Variants in PDE3A observed in about 807,000 individuals in gnomAD.
PDE3A encodes cGMP-inhibited 3',5'-cyclic phosphodiesterase 3A.
A neutral mutation model predicts 98.3 loss-of-function variants in PDE3A; 43 were observed. The ratio of observed to expected loss-of-function variants is 0.44; its 90% confidence interval spans 0.34 to 0.56. PDE3A has a LOEUF of 0.56. PDE3A is among the 20% of genes least tolerant of loss of function. PDE3A has a pLI of 0.01. For synonymous variants in PDE3A, 663 were observed against 567.9 expected, an observed-to-expected ratio of 1.17 and a Z score of -2.38; for missense variants, 1,427 against 1,440.7, an observed-to-expected ratio of 0.99 and a Z score of 0.15.
chr12:20,469,601 G>A (rs1047501782), intron 1 of PDE3A, among the ~76,000 whole-genome samples: 1 of 152,238 alleles, frequency 6.6e-6, no homozygotes, highest in East Asian at 1.9e-4. Context: ...CTATGTTGTC[G>A]ATAATAATTA....
intron 1 of PDE3A, among the ~76,000 whole-genome samples, chr12:20,379,295 A>C (rs1943623350): frequency 6.6e-6 from 1 of 151,812 alleles, no homozygotes; most frequent in Non-Finnish European, 1.5e-5. Context: ...TTAGAGATCC[A>C]CTTCAGAAAT....
intron 2 of PDE3A, among the ~76,000 whole-genome samples, chr12:20,604,256 T>G (rs1403203285): frequency 6.6e-6 from 1 of 152,016 alleles, no homozygotes; most frequent in Non-Finnish European, 1.5e-5. Flanking sequence ...TGAATTTACT[T>G]TTTAAATAAA....
intron 1 of PDE3A, among the ~76,000 whole-genome samples, chr12:20,502,360 T>C (rs1946039643): frequency 6.6e-6 from 1 of 152,202 alleles, no homozygotes; most frequent in African/African-American, 2.4e-5. Flanking sequence ...ATGGTTAGAC[T>C]TTAAAGGAAC....
rs983294801 is a variant in PDE3A at position 20,687,009 on chromosome 12, T to C, written c.*6738T>C. ...GACTTCCTTTATGACAAGGAGCACT[T>C]ATACATGTTTCCAAATGTGAATTAG... On this transcript the variant is annotated 3_prime_UTR_variant, in exon 16 of 16. Transcript: ENST00000359062. Among the ~76,000 whole-genome samples, 3 of 152,130 alleles carry C rather than the reference T, an allele frequency of 2.0e-5. No homozygotes were observed. The highest frequency in any genetic ancestry group is 3.2e-3 in the Middle Eastern group (1 of 316).
chr12:20,642,334 G>A (rs1944663818), intron 10 of PDE3A, among the ~76,000 whole-genome samples: 1 of 151,998 alleles, frequency 6.6e-6, no homozygotes, highest in Admixed American at 6.6e-5. Flanking sequence ...GTAATTTCAT[G>A]GTAGTAGCAA....
chr12:20,509,009 C>T (rs942513531), intron 1 of PDE3A, among the ~76,000 whole-genome samples: 1 of 152,026 alleles, frequency 6.6e-6, no homozygotes, highest in African/African-American at 2.4e-5. Flanking sequence ...ATATAGCCAG[C>T]ATTTTTCCCT....
chr12:20,391,062 C>A (rs1046526341), intron 1 of PDE3A, among the ~76,000 whole-genome samples: 25 of 151,812 alleles, frequency 1.6e-4, no homozygotes, highest in African/African-American at 5.8e-4. Context: ...ACTGTTGTAA[C>A]CTTTGATCAC....
chr12:20,372,574 G>C (rs952112725), intron 1 of PDE3A, among the ~76,000 whole-genome samples: 1 of 152,034 alleles, frequency 6.6e-6, no homozygotes, highest in African/African-American at 2.4e-5. Flanking sequence ...AAGTTCAGGA[G>C]CTACCCACAG....
At chr12:20,532,236 T>A (rs1190420746) in intron 1 of PDE3A, among the ~76,000 whole-genome samples, 4 of 152,134 alleles carry the variant, frequency 2.6e-5, no homozygotes, top group Admixed American at 2.0e-4. Context: ...ACTGACAAAA[T>A]CTGCGGTAAG....
intron 1 of PDE3A, among the ~76,000 whole-genome samples, chr12:20,454,658 G>T (rs538960309): frequency 6.6e-6 from 1 of 152,216 alleles, no homozygotes; most frequent in South Asian, 2.1e-4. Flanking sequence ...CCTAATGTGT[G>T]TCATTCCCCT....
intron 2 of PDE3A, among the ~76,000 whole-genome samples, chr12:20,594,253 G>A (rs1440937649): frequency 1.3e-5 from 2 of 152,006 alleles, no homozygotes; most frequent in Non-Finnish European, 2.9e-5. Flanking sequence ...AGGAAAAAGA[G>A]AATGAATAAG....
chr12:20,688,431 C>A lies in PDE3A; in HGVS notation c.*8160C>A, dbSNP rs1946040502. Among the ~76,000 whole-genome samples, 1 of 150,680 alleles carries A rather than the reference C, an allele frequency of 6.6e-6. No individual in the cohort carries two copies. The highest frequency in any genetic ancestry group is 2.1e-4 in the South Asian group (1 of 4,770). Reference sequence around the variant, plus strand: ...ATACTATGTTGATGCTCCCTTTTTGCCAGAATTACTGGAAGTGCCTCTTGG... The same window carrying A: ...ATACTATGTTGATGCTCCCTTTTTGACAGAATTACTGGAAGTGCCTCTTGG... On this transcript the variant is annotated 3_prime_UTR_variant, in exon 16 of 16. Coordinates refer to ENST00000359062, the MANE Select transcript of PDE3A (RefSeq NM_000921.5).
At chr12:20,444,958 G>C (rs1944930391) in intron 1 of PDE3A, among the ~76,000 whole-genome samples, 1 of 152,162 alleles carries the variant, frequency 6.6e-6, no homozygotes, top group Admixed American at 6.6e-5. Context: ...AGCCTACGCG[G>C]GATCAGTAAA....
intron 2 of PDE3A, among the ~76,000 whole-genome samples, chr12:20,589,631 G>A (rs1220217810): frequency 6.6e-6 from 1 of 151,918 alleles, no homozygotes; most frequent in African/African-American, 2.4e-5. Flanking sequence ...CATTTTGGGA[G>A]GCCGAGGCGG....
intron 2 of PDE3A, among the ~76,000 whole-genome samples, chr12:20,598,427 G>A (rs1943516207): frequency 6.6e-6 from 1 of 152,020 alleles, no homozygotes; most frequent in Admixed American, 6.6e-5. Flanking sequence ...CAAGTAATCT[G>A]CCTGGTCTCC....
chr12:20,607,014 A>G (rs1943726388), intron 2 of PDE3A, among the ~76,000 whole-genome samples: 2 of 152,068 alleles, frequency 1.3e-5, no homozygotes, highest in Non-Finnish European at 2.9e-5. Context: ...AATAACTTAG[A>G]ACCACTCTAG....
Position 20,650,544 on chromosome 12 carries a change from T to G in PDE3A, c.2869T>G (p.Cys957Gly). ...GGCTGATATCAATGGTCCAGCTAAA[T>G]GTAAAGAACTCCATCTTCAGTGGAC... The part of the protein sequence containing the change: ...KLADINGPAK[C>G]KELHLQWTDG... Residue 957 changes from cysteine to glycine, a missense_variant, in exon 14 of 16, where the codon TGT becomes GGT. Physicochemically the swap from Cys to Gly is radical, Grantham distance 159. Coordinates refer to ENST00000359062, the MANE Select transcript of PDE3A (RefSeq NM_000921.5). 4 of 1,612,076 alleles carry G rather than the reference T, an allele frequency of 2.5e-6. No individual in the cohort carries two copies. The highest frequency in any genetic ancestry group is 3.4e-6 in the Non-Finnish European group (4 of 1,178,400).
At chr12:20,677,257 G>T (rs1446494257) in intron 15 of PDE3A, among the ~76,000 whole-genome samples, 1 of 151,950 alleles carries the variant, frequency 6.6e-6, no homozygotes, top group Admixed American at 6.6e-5. Flanking sequence ...TTTCTGAGTT[G>T]TAGTCTATCT....
chr12:20,556,043 T>A, intron 1 of PDE3A, among the ~76,000 whole-genome samples: 1 of 152,184 alleles, frequency 6.6e-6, no homozygotes, highest in South Asian at 2.1e-4. Context: ...ATATTCTTAA[T>A]GTTAAATGTT....
Sources: gnomAD v4.1 joint callset for allele counts (sites outside exome capture counted in the v4.1 genomes callset) on GRCh38, gnomAD v4.1.1 for gene constraint, MANE v1.5 for transcripts, NCBI Gene and HGNC (gene_info 2026-07-23, HGNC 2026-07-21) for gene names.